Variants in HES6 observed in about 807,000 individuals in gnomAD.
HES6 encodes hes family bHLH transcription factor 6, also known as transcription cofactor HES-6.
A neutral mutation model predicts 16.4 loss-of-function variants in HES6; 24 were observed. That is an observed-to-expected ratio of 1.46 (90% CI 1.06 to 2.06). HES6 has a LOEUF of 2.06. HES6 is among the 30% of genes most tolerant of loss of function. HES6 has a pLI of 0.00. For missense variants in HES6, 355 were observed against 317.6 expected (o/e 1.12, Z -0.90); for synonymous variants, 159 against 144.3 (o/e 1.10, Z -0.73).
intron 3 of HES6, 95 bp from the exon 4 acceptor site, chr2:238,239,346 C>G (rs1289223698): frequency 1.4e-6 from 2 of 1,383,688 alleles, no homozygotes; most frequent in Admixed American, 2.8e-5. Flanking sequence ...CGCGGCTCAC[C>G]CAGGAGACGC....
Position 238,239,049 on chromosome 2 carries a change from C to A in HES6, c.453G>T (p.Gly151=). The A allele has an allele frequency of 1.9e-6, 3 of 1,611,860 alleles. 1 individual carries two copies. Among genetic ancestry groups the A allele is most frequent in the Non-Finnish European group, 8.5e-7 (1 of 1,179,780 alleles). Residue 151 remains glycine (G), a synonymous_variant, in exon 4 of 4, where the codon GGG becomes GGT. Coordinates refer to ENST00000272937, the MANE Select transcript of HES6 (RefSeq NM_018645.6). ...CACTCCGTCCAGGGGCTCTAGGTGG[C>A]CCCGCCAGGGCGTCCCCCAGCAGAT... ...FQDLLGDALA[G]PPRAPGRSGW...
chr2:238,238,693 G>A lies in HES6; in HGVS notation c.*134C>T, dbSNP rs1695218732. On this transcript the variant is annotated 3_prime_UTR_variant, in exon 4 of 4. Coordinates refer to ENST00000272937, the MANE Select transcript of HES6 (RefSeq NM_018645.6). ...CTGGTTACCAGGGGCTGCCCTGCAA[G>A]CCATCCATCAGAGGAGGGAGGGAAG... 1 of 898,482 alleles carries A rather than the reference G, an allele frequency of 1.1e-6. No homozygotes were observed. The highest frequency in any genetic ancestry group is 1.7e-6 in the Non-Finnish European group (1 of 596,092). The allele number at this position is 898,482 out of a possible 1,614,324, so 55.7% of individuals were successfully genotyped here.
rs1048769681 is a variant in HES6, at chr2:238,238,584, G to A, written c.*243C>T. 5 of 535,558 alleles carry A rather than the reference G, an allele frequency of 9.3e-6. No homozygotes were observed. In the South Asian group the frequency reaches 9.8e-5, roughly 10 times the overall value. 33.2% of individuals were successfully genotyped at this position (535,558 alleles called of 1,614,324 possible). A position where few individuals can be genotyped will look rare whatever the true frequency, so the allele number is the denominator to read the frequency against. ...GCAGCTCTACAAAATTCTTCCTCCT[G>A]CCCGTAGCTCCCTCCCTCCACCCAC... On this transcript the variant is annotated 3_prime_UTR_variant, in exon 4 of 4. Transcript: ENST00000272937.
At position 238,239,159 on chromosome 2, in the gene HES6, G is replaced by A. The variant is rs753135477; in HGVS notation, c.343C>T (p.Gln115Ter). The change falls in exon 4 of 4, where the codon CAG becomes TAG. Residue 115 changes from glutamine (Q) to a stop codon, truncating the protein, a stop_gained. Coordinates refer to ENST00000272937, the MANE Select transcript of HES6 (RefSeq NM_018645.6). LOFTEE classifies it high-confidence loss of function. ...GCAGCGACGGTAGCGTCGATGGCCT[G>A]GCACGTGGACACGAACGTGTGCACC... is the stretch of plus-strand genomic sequence containing the variant. Reference protein sequence around the residue: ...HEVHTFVSTCQAIDATVAAEL... With the variant: ...HEVHTFVSTC 2 of 1,612,562 alleles carry A rather than the reference G, an allele frequency of 1.2e-6. No individual in the cohort carries two copies. Among genetic ancestry groups the A allele is most frequent in the Non-Finnish European group, 1.7e-6 (2 of 1,179,910 alleles).
In HES6 at chr2:238,240,000, G is replaced by T; in HGVS notation, c.-95C>A. 1.4e-6 allele frequency: 1 copy of T among 736,830 alleles called. No individual in the cohort carries two copies. Among genetic ancestry groups the T allele is most frequent in the Non-Finnish European group, 1.8e-6 (1 of 560,092 alleles). The allele number at this position is 736,830 out of a possible 1,614,324, so 45.6% of individuals were successfully genotyped here. A position where few individuals can be genotyped will look rare whatever the true frequency, so the allele number is the denominator to read the frequency against. ...CGGCGCCCTCCGCTGCCCCGCGGCC[G>T]CCCAGCAGCAGCCCAGCCGTCCGCG... On this transcript the variant is annotated 5_prime_UTR_variant, in exon 1 of 4. Transcript: ENST00000272937.
Position 238,239,642 on chromosome 2 carries a change from G to T in HES6, c.168+19C>A. 1 of 974,000 alleles carries T rather than the reference G, an allele frequency of 1.0e-6. No homozygotes were observed. The highest frequency in any genetic ancestry group is 1.2e-6 in the Non-Finnish European group (1 of 800,598). The allele number at this position is 974,000 out of a possible 1,614,324, so 60.3% of individuals were successfully genotyped here. ...CCCGCCCGCCCCGCAGCCCCACGGC[G>T]CCTGCCCGGCCGCCGCACCTCGGCG... On this transcript the variant is annotated intron_variant, in intron 2 of 3. Coordinates refer to ENST00000272937, the MANE Select transcript of HES6 (RefSeq NM_018645.6).
In HES6 at chr2:238,238,598, C is replaced by T; in HGVS notation, c.*229G>A. The T allele has an allele frequency of 1.8e-6, 1 of 558,128 alleles. No homozygotes were observed. Among genetic ancestry groups the T allele is most frequent in the Non-Finnish European group, 3.1e-6 (1 of 320,418 alleles). The allele number at this position is 558,128 out of a possible 1,614,324, so 34.6% of individuals were successfully genotyped here. A position where few individuals can be genotyped will look rare whatever the true frequency, so the allele number is the denominator to read the frequency against. Reference sequence around the variant, plus strand: ...TTCTTCCTCCTGCCCGTAGCTCCCTCCCTCCACCCACTCCAGAGCTGCAGG... The same window carrying T: ...TTCTTCCTCCTGCCCGTAGCTCCCTTCCTCCACCCACTCCAGAGCTGCAGG... On this transcript the variant is annotated 3_prime_UTR_variant, in exon 4 of 4. Coordinates refer to ENST00000272937, the MANE Select transcript of HES6 (RefSeq NM_018645.6).
Position 238,239,507 on chromosome 2 carries a change from A to G in HES6, c.230T>C (p.Val77Ala). Residue 77 changes from valine (V) to alanine (A), a missense_variant, in exon 3 of 4, where the codon GTG (valine) becomes GCG (alanine). Val to Ala is a moderately conservative substitution (Grantham distance 64, BLOSUM62 0). Transcript: ENST00000272937. ...LELTVRRVQG[V>A]LRGRAREREQ... is the part of the protein sequence containing the mutation. ...CTCACCGCGCGCCCGGCCCCGCAGC[A>G]CACCCTGGACCCGCCGCACCGTCAG... 2 of 1,306,506 alleles carry G rather than the reference A, an allele frequency of 1.5e-6. No homozygotes were observed. Among genetic ancestry groups the G allele is most frequent in the Non-Finnish European group, 1.9e-6 (2 of 1,030,208 alleles). 80.9% of individuals were successfully genotyped at this position (1,306,506 alleles called of 1,614,324 possible). A position where few individuals can be genotyped will look rare whatever the true frequency, so the allele number is the denominator to read the frequency against.
chr2:238,239,252 C>G lies in HES6; in HGVS notation c.251-1G>C. 6.2e-7 allele frequency: 1 copy of G among 1,603,656 alleles called. No homozygotes were observed. Among genetic ancestry groups the G allele is most frequent in the Non-Finnish European group, 8.5e-7 (1 of 1,178,664 alleles). ...GCTTCCGCCTGCAGCTGCTCGCGCT[C>G]TGGGCCCGAGGGTGGGAGGGAGAGA... On this transcript the variant is annotated splice_acceptor_variant, in intron 3 of 3. Coordinates refer to ENST00000272937, the MANE Select transcript of HES6 (RefSeq NM_018645.6). LOFTEE classifies it high-confidence loss of function.
intron 2 of HES6, 43 bp from the exon 3 acceptor site, chr2:238,239,611 G>GGGGGGCCCCCC: frequency 9.7e-6 from 11 of 1,135,632 alleles, no homozygotes; most frequent in African/African-American, 6.6e-5. Context: ...CGCGCTCCCG[G>GGGGGGCCCCCC]ACCCGCCCGC....
rs1191940218 is a variant in HES6 at position 238,238,991 on chromosome 2, T to C, written c.511A>G (p.Ile171Val). ...TCCCCAGGACCCGGGGGGCTGGGTA[T>C]TGGGGATCCCGGAGCGCCCCCCGCA... is the stretch of plus-strand genomic sequence containing the variant. ...WPAGGAPGSP[I>V]PSPPGPGDDL... is the part of the protein sequence containing the mutation. Residue 171 changes from isoleucine (I) to valine (V), a missense_variant, in exon 4 of 4, where the codon ATA (isoleucine) becomes GTA (valine). Transcript: ENST00000272937. The C allele has an allele frequency of 4.4e-6, 7 of 1,605,490 alleles. No individual in the cohort carries two copies. The highest frequency in any genetic ancestry group is 4.0e-5 in the African/African-American group (3 of 74,742).
Position 238,238,880 on chromosome 2 carries a change from G to C in HES6, c.622C>G (p.Leu208Val). 4 of 1,580,024 alleles carry C rather than the reference G, an allele frequency of 2.5e-6. No individual in the cohort carries two copies. The highest frequency in any genetic ancestry group is 3.4e-6 in the Non-Finnish European group (4 of 1,166,272). The change falls in exon 4 of 4, where the codon CTG becomes GTG. Residue 208 changes from leucine (L) to valine (V), a missense_variant. Leu to Val is a conservative substitution (Grantham distance 32). Transcript: ENST00000272937. Reference sequence around the variant, plus strand: ...ATTTGGGCTGTGGTCAGGCTGCCCAGGGCTGCGGGCACCAAGTCGGGCCCC... The same window carrying C: ...ATTTGGGCTGTGGTCAGGCTGCCCACGGCTGCGGGCACCAAGTCGGGCCCC... ...AEGPDLVPAA[L>V]GSLTTAQIAR...
Position 238,238,600 on chromosome 2 carries a change from C to A in HES6, c.*227G>T. Reference sequence around the variant, plus strand: ...CTTCCTCCTGCCCGTAGCTCCCTCCCTCCACCCACTCCAGAGCTGCAGGGT... The same window carrying A: ...CTTCCTCCTGCCCGTAGCTCCCTCCATCCACCCACTCCAGAGCTGCAGGGT... On this transcript the variant is annotated 3_prime_UTR_variant, in exon 4 of 4. Transcript: ENST00000272937. 1 of 560,056 alleles carries A rather than the reference C, an allele frequency of 1.8e-6. No homozygotes were observed. Among genetic ancestry groups the A allele is most frequent in the Non-Finnish European group, 3.1e-6 (1 of 321,552 alleles). 34.7% of individuals were successfully genotyped at this position (560,056 alleles called of 1,614,324 possible).
rs1330612497 is a variant in HES6 at position 238,238,618 on chromosome 2, T to C, written c.*209A>G. On this transcript the variant is annotated 3_prime_UTR_variant, in exon 4 of 4. Transcript: ENST00000272937. The stretch of plus-strand genomic sequence containing the variant: ...TCCCTCCCTCCACCCACTCCAGAGC[T>C]GCAGGGTCCCTAAAAGTTTCTTAAG... 5.1e-6 allele frequency: 3 copies of C among 585,514 alleles called. No individual in the cohort carries two copies. The highest frequency in any genetic ancestry group is 8.9e-6 in the Non-Finnish European group (3 of 336,172). The allele number at this position is 585,514 out of a possible 1,614,324, so 36.3% of individuals were successfully genotyped here. A position where few individuals can be genotyped will look rare whatever the true frequency, so the allele number is the denominator to read the frequency against.
Position 238,239,744 on chromosome 2 carries a change from G to T in HES6, c.85C>A (p.Arg29=). 7.2e-7 allele frequency: 1 copy of T among 1,385,494 alleles called. No individual in the cohort carries two copies. Among genetic ancestry groups the T allele is most frequent in the Non-Finnish European group, 9.4e-7 (1 of 1,062,146 alleles). The allele number at this position is 1,385,494 out of a possible 1,614,324, so 85.8% of individuals were successfully genotyped here. ...GWETRGDRKA[R]KPLVEKKRRA... is the part of the protein sequence containing the mutation. ...CGCTTCTTCTCCACCAGGGGCTTCC[G>T]GGCCTGCGGGGAGCGGGGCACTGAA... is the stretch of plus-strand genomic sequence containing the variant. Residue 29 remains arginine, a synonymous_variant, in exon 2 of 4, where the codon CGG becomes AGG. Coordinates refer to ENST00000272937, the MANE Select transcript of HES6 (RefSeq NM_018645.6).
rs550697549 is a variant in HES6, at chr2:238,238,873, C to T, written c.629G>A (p.Ser210Asn). The T allele has an allele frequency of 1.3e-6, 2 of 1,576,954 alleles. No individual in the cohort carries two copies. The highest frequency in any genetic ancestry group is 1.3e-5 in the African/African-American group (1 of 74,344). ...GPDLVPAALGSLTTAQIARSV... is the reference protein window; with the variant it reads ...GPDLVPAALGNLTTAQIARSV... ...CCGGGCAATTTGGGCTGTGGTCAGGCTGCCCAGGGCTGCGGGCACCAAGTC... is the reference window on the plus strand; with the variant it reads ...CCGGGCAATTTGGGCTGTGGTCAGGTTGCCCAGGGCTGCGGGCACCAAGTC... The change falls in exon 4 of 4, where the codon AGC (serine) becomes AAC (asparagine). Residue 210 changes from serine to asparagine, a missense_variant. By Grantham distance (46) the Ser-to-Asn change is conservative (BLOSUM62 1). Coordinates refer to ENST00000272937, the MANE Select transcript of HES6 (RefSeq NM_018645.6).
At position 238,239,051 on chromosome 2, in the gene HES6, C is replaced by T. The variant is rs766820544; in HGVS notation, c.451G>A (p.Gly151Arg). ...CTCCGTCCAGGGGCTCTAGGTGGCC[C>T]CGCCAGGGCGTCCCCCAGCAGATCC... ...FQDLLGDALA[G>R]PPRAPGRSGW... is the part of the protein sequence containing the mutation. The change falls in exon 4 of 4, where the codon GGG becomes AGG. Residue 151 changes from glycine to arginine, a missense_variant. Physicochemically the swap from Gly to Arg is moderately radical, Grantham distance 125. Transcript: ENST00000272937. 1.9e-6 allele frequency: 3 copies of T among 1,612,042 alleles called. No individual in the cohort carries two copies. Among genetic ancestry groups the T allele is most frequent in the Non-Finnish European group, 2.5e-6 (3 of 1,179,794 alleles).
chr2:238,239,563 C>A lies in HES6; in HGVS notation c.174G>T (p.Gln58His). The change falls in exon 3 of 4, where the codon CAG (glutamine) becomes CAT (histidine). Residue 58 changes from glutamine to histidine, a missense_variant. Gln to His is a conservative substitution (Grantham distance 24, BLOSUM62 0). Coordinates refer to ENST00000272937, the MANE Select transcript of HES6 (RefSeq NM_018645.6). Reference protein sequence around the residue: ...LRLLLAGAEVQAKLENAEVLE... With the variant: ...LRLLLAGAEVHAKLENAEVLE... ...GCACTTCGGCGTTCTCCAGCTTGGC[C>A]TGCACCTGCGCGGGCGGGAAGGGCG... The A allele has an allele frequency of 7.9e-7, 1 of 1,264,570 alleles. No homozygotes were observed. The highest frequency in any genetic ancestry group is 3.5e-5 in the Admixed American group (1 of 28,488). 78.3% of individuals were successfully genotyped at this position (1,264,570 alleles called of 1,614,324 possible).
chr2:238,238,890 C>T lies in HES6; in HGVS notation c.612G>A (p.Val204=), dbSNP rs760319867. The change falls in exon 4 of 4, where the codon GTG becomes GTA. Residue 204 remains valine (V), a synonymous_variant. Transcript: ENST00000272937. ...TGGTCAGGCTGCCCAGGGCTGCGGG[C>T]ACCAAGTCGGGCCCCTCAGCAGGAG... The part of the protein sequence containing the change: ...SQAPAEGPDL[V]PAALGSLTTA... The T allele has an allele frequency of 1.3e-6, 2 of 1,581,216 alleles. No homozygotes were observed. Among genetic ancestry groups the T allele is most frequent in the Admixed American group, 3.6e-5 (2 of 55,980 alleles).
Sources: gnomAD v4.1 joint callset for allele counts on GRCh38, gnomAD v4.1.1 for gene constraint, MANE v1.5 for transcripts, NCBI Gene and HGNC (gene_info 2026-07-23, HGNC 2026-07-21) for gene names.